The following TSPAN13 variants were observed in gnomAD, a reference collection of about 807,000 sequenced individuals.
TSPAN13 encodes tetraspanin 13, also known as tetraspanin-13.
In TSPAN13, 18 loss-of-function variants were observed where a neutral mutation model predicts 26.9. That is an observed-to-expected ratio of 0.67 (90% CI 0.46 to 0.99). TSPAN13 has a LOEUF of 0.99. TSPAN13 is among the 50% of genes least tolerant of loss of function. The probability of loss-of-function intolerance (pLI) is 0.00; values close to 1 mark genes in which losing one functional copy is unlikely to be tolerated. For missense variants in TSPAN13, 201 were observed against 249.6 expected (o/e 0.81, Z 1.31); for synonymous variants, 116 against 98.4 (o/e 1.18, Z -1.06).
chr7:16,760,651 G>A (rs1438418350), intron 1 of TSPAN13, among the ~76,000 whole-genome samples: 6 of 152,176 alleles, frequency 3.9e-5, no homozygotes, highest in Non-Finnish European at 7.3e-5. Context: ...ATGGATTGAA[G>A]TAGTGCATTT....
chr7:16,761,408 G>A (rs1188023666), intron 1 of TSPAN13, among the ~76,000 whole-genome samples: 5 of 152,196 alleles, frequency 3.3e-5, no homozygotes, highest in Non-Finnish European at 4.4e-5. Context: ...GATCTTTTCT[G>A]AATTGCTCTT....
At chr7:16,759,972 C>A (rs1784523965) in intron 1 of TSPAN13, among the ~76,000 whole-genome samples, 1 of 152,112 alleles carries the variant, frequency 6.6e-6, no homozygotes, top group Admixed American at 6.5e-5. Context: ...CAGGTGTGAG[C>A]AACTGTGCCT....
At chr7:16,755,522 T>A (rs1277038627) in intron 1 of TSPAN13, among the ~76,000 whole-genome samples, 1 of 149,762 alleles carries the variant, frequency 6.7e-6, no homozygotes, top group Non-Finnish European at 1.5e-5. Context: ...ATTAAGTAAA[T>A]GCTGACCAGT....
intron 1 of TSPAN13, among the ~76,000 whole-genome samples, chr7:16,755,234 C>A (rs186301550): frequency 6.6e-6 from 1 of 152,188 alleles, no homozygotes; most frequent in African/African-American, 2.4e-5. Flanking sequence ...GAGAGGCTGC[C>A]TTGTGGTCAC....
intron 1 of TSPAN13, 120 bp from the exon 2 acceptor site, chr7:16,776,091 T>G: frequency 1.1e-6 from 1 of 879,128 alleles, no homozygotes; most frequent in East Asian, 2.7e-5. Context: ...TTTTAGTGCT[T>G]ATTTGTAAGA....
intron 1 of TSPAN13, among the ~76,000 whole-genome samples, chr7:16,770,054 T>C (rs1021605540): frequency 5.8e-4 from 89 of 152,200 alleles, no homozygotes; most frequent in African/African-American, 2.1e-3. Flanking sequence ...ATTCTTTCTA[T>C]TGTAAGTTTC....
At chr7:16,758,931 T>C (rs1180470883) in intron 1 of TSPAN13, among the ~76,000 whole-genome samples, 1 of 152,212 alleles carries the variant, frequency 6.6e-6, no homozygotes, top group Non-Finnish European at 1.5e-5. Context: ...TTTATTCTAA[T>C]AATGAATATT....
chr7:16,777,011 T>G, intron 2 of TSPAN13, 31 bp from the exon 3 acceptor site: 1 of 1,444,312 alleles, frequency 6.9e-7, no homozygotes, highest in Non-Finnish European at 9.7e-7. Context: ...TCTAAGAATA[T>G]TTAGAAGTAT....
At chr7:16,782,503 T>C (rs1294970142) in intron 5 of TSPAN13, among the ~76,000 whole-genome samples, 2 of 152,078 alleles carry the variant, frequency 1.3e-5, no homozygotes, top group African/African-American at 4.8e-5. Context: ...CCTAAAGAGT[T>C]ACAATTTTCA....
intron 3 of TSPAN13, 45 bp from the exon 4 acceptor site, chr7:16,777,753 T>C (rs374924111): frequency 1.9e-4 from 273 of 1,469,218 alleles, no homozygotes; most frequent in Middle Eastern, 8.8e-4. Flanking sequence ...CTTTATACAT[T>C]TTCTGCAGGG....
intron 1 of TSPAN13, among the ~76,000 whole-genome samples, chr7:16,759,716 T>G (rs1784520501): frequency 2.9e-5 from 4 of 135,812 alleles, no homozygotes; most frequent in African/African-American, 1.1e-4. Context: ...TTTTTTTTTT[T>G]GATATAGGGT....
intron 5 of TSPAN13, among the ~76,000 whole-genome samples, chr7:16,780,863 A>G (rs759240737): frequency 1.3e-5 from 2 of 152,200 alleles, no homozygotes; most frequent in African/African-American, 2.4e-5. Flanking sequence ...CCTGCTTTAT[A>G]TCTTACATAC....
In TSPAN13 at chr7:16,776,268, T is replaced by C; in HGVS notation, c.121T>C (p.Ser41Pro). 6.2e-7 allele frequency: 1 copy of C among 1,614,172 alleles called. No homozygotes were observed. The highest frequency in any genetic ancestry group is 1.6e-4 in the Middle Eastern group (1 of 6,062). The change falls in exon 2 of 6, where the codon TCC (serine) becomes CCC (proline). Residue 41 changes from serine (S) to proline (P), a missense_variant. Coordinates refer to ENST00000262067, the MANE Select transcript of TSPAN13 (RefSeq NM_014399.4). ...AAWGIGFGLI[S>P]SLRVVGVVIA... ...GTGGGGCATTGGCTTCGGGCTGATT[T>C]CCAGTCTCCGAGTGGTCGGCGTGGT... is the stretch of plus-strand genomic sequence containing the variant.
At chr7:16,772,403 C>T (rs1301373473) in intron 1 of TSPAN13, among the ~76,000 whole-genome samples, 2 of 152,174 alleles carry the variant, frequency 1.3e-5, no homozygotes, top group Non-Finnish European at 2.9e-5. Context: ...CCCTCACAGT[C>T]CTGGAGACCA....
chr7:16,766,322 A>C (rs189483247), intron 1 of TSPAN13, among the ~76,000 whole-genome samples: 6 of 152,310 alleles, frequency 3.9e-5, no homozygotes, highest in South Asian at 2.1e-4. Context: ...TAAGTGCAAA[A>C]TTTGTTTTGG....
intron 5 of TSPAN13, 137 bp from the exon 6 acceptor site, chr7:16,783,280 G>T: frequency 1.2e-6 from 1 of 832,784 alleles, no homozygotes; most frequent in South Asian, 1.8e-5. Flanking sequence ...ATTTCAAAAA[G>T]AAAAAAAATC....
At chr7:16,782,173 T>C (rs1784820308) in intron 5 of TSPAN13, among the ~76,000 whole-genome samples, 1 of 152,232 alleles carries the variant, frequency 6.6e-6, no homozygotes, top group African/African-American at 2.4e-5. Context: ...ACATTTCTTT[T>C]TCCCCATTAG....
intron 1 of TSPAN13, among the ~76,000 whole-genome samples, chr7:16,769,441 A>G (rs1784648524): frequency 6.6e-6 from 1 of 152,194 alleles, no homozygotes; most frequent in African/African-American, 2.4e-5. Flanking sequence ...TGTTTATTTT[A>G]GGTCTTCTTT....
chr7:16,774,881 A>G (rs189709692), intron 1 of TSPAN13, among the ~76,000 whole-genome samples: 309 of 152,324 alleles, frequency 2.0e-3, no homozygotes, highest in African/African-American at 6.6e-3. Flanking sequence ...TATGAGTACA[A>G]ATAGACACTC....
Sources: gnomAD v4.1 joint callset for allele counts (sites outside exome capture counted in the v4.1 genomes callset) on GRCh38, gnomAD v4.1.1 for gene constraint, MANE v1.5 for transcripts, NCBI Gene and HGNC (gene_info 2026-07-23, HGNC 2026-07-21) for gene names.